Variants in GAB2 observed in about 807,000 individuals in gnomAD.
GAB2 encodes GRB2-associated-binding protein 2.
In GAB2, 26 loss-of-function variants were observed where a neutral mutation model predicts 65.5. The observed-to-expected ratio is 0.40, with a 90% CI of 0.29 to 0.55. The LOEUF is 0.55. Among genes scored for constraint, GAB2 ranks in the 20% least tolerant of loss-of-function variants. GAB2 has a pLI of 0.53. For missense variants in GAB2, 884 were observed against 875.8 expected (o/e 1.01, Z -0.12); for synonymous variants, 321 against 329.6 (o/e 0.97, Z 0.28).
chr11:78,217,199 T>C lies in GAB2; in HGVS notation c.*2073A>G, dbSNP rs1458320899. 6.6e-6 allele frequency: 1 copy of C among 152,410 alleles called. No homozygotes were observed. Among genetic ancestry groups the C allele is most frequent in the African/African-American group, 2.4e-5 (1 of 41,438 alleles). 9.4% of individuals were successfully genotyped at this position (152,410 alleles called of 1,614,324 possible). On this transcript the variant is annotated 3_prime_UTR_variant, in exon 10 of 10. Transcript: ENST00000361507. ...TACTTCCTCTGCCCTCCATCAGCAT[T>C]TGAAGTCTCTGTCTGATGGCCATCA...
At chr11:78,404,861 T>C (rs973531897) in intron 1 of GAB2, among the ~76,000 whole-genome samples, 4 of 152,212 alleles carry the variant, frequency 2.6e-5, no homozygotes, top group African/African-American at 9.6e-5. Flanking sequence ...CAAGTATAGT[T>C]AACAATAATT....
intron 2 of GAB2, among the ~76,000 whole-genome samples, chr11:78,268,385 C>T (rs925014143): frequency 6.6e-6 from 1 of 152,084 alleles, no homozygotes; most frequent in Non-Finnish European, 1.5e-5. Context: ...CTACACATAA[C>T]CGGATGTTTA....
chr11:78,226,964 G>C lies in GAB2; in HGVS notation c.708C>G (p.His236Gln). Residue 236 changes from histidine (H) to glutamine (Q), a missense_variant, in exon 4 of 10, where the codon CAC becomes CAG. His to Gln is a conservative substitution (Grantham distance 24). Transcript: ENST00000361507. ...AVQKLAQGNGHCVNGISGQVH... is the reference protein window; with the variant it reads ...AVQKLAQGNGQCVNGISGQVH... ...CTTGACCACTGATCCCGTTGACACA[G>C]TGTCCATTGCCCTGGGCAAGTTTTT... 1 of 1,613,592 alleles carries C rather than the reference G, an allele frequency of 6.2e-7. No individual in the cohort carries two copies. The highest frequency in any genetic ancestry group is 8.5e-7 in the Non-Finnish European group (1 of 1,179,580).
intron 1 of GAB2, 84 bp downstream of exon 1, chr11:78,417,562 T>TGCCGCCCCTCCGGGAGTCC: frequency 2.0e-6 from 1 of 512,684 alleles, no homozygotes; most frequent in Non-Finnish European, 2.6e-6. Context: ...CTCCCCAGCC[T>TGCCGCCCCTCCGGGAGTCC]GCCGCCCCTC....
chr11:78,222,412 G>T (rs1171873857), intron 6 of GAB2, among the ~76,000 whole-genome samples: 2 of 151,522 alleles, frequency 1.3e-5, no homozygotes, highest in African/African-American at 4.8e-5. Flanking sequence ...TCTTTCTGCT[G>T]TATCTATGGT....
chr11:78,404,949 A>G (rs967251891), intron 1 of GAB2, among the ~76,000 whole-genome samples: 5 of 152,226 alleles, frequency 3.3e-5, no homozygotes, highest in African/African-American at 1.2e-4. Flanking sequence ...TGAGGTGATG[A>G]GTATCCTAAG....
intron 1 of GAB2, among the ~76,000 whole-genome samples, chr11:78,283,116 C>G (rs1057067017): frequency 6.6e-6 from 1 of 152,206 alleles, no homozygotes; most frequent in East Asian, 1.9e-4. Flanking sequence ...TTCTCCTGTT[C>G]TTTGGCAACA....
At chr11:78,288,158 T>C (rs1392251239) in intron 1 of GAB2, among the ~76,000 whole-genome samples, 3 of 150,794 alleles carry the variant, frequency 2.0e-5, no homozygotes, top group Non-Finnish European at 3.0e-5. Flanking sequence ...GGCATGTGGA[T>C]TGCTTGAGGT....
chr11:78,251,000 TAC>T (rs1408551413), intron 2 of GAB2, among the ~76,000 whole-genome samples: 2 of 151,986 alleles, frequency 1.3e-5, no homozygotes, highest in Non-Finnish European at 2.9e-5. Flanking sequence ...ACCTATGGGG[TAC>T]AATGCTATTT....
intron 1 of GAB2, among the ~76,000 whole-genome samples, chr11:78,312,185 TA>T (rs11447471): frequency 0.072 from 9,903 of 137,906 alleles, 834 homozygotes; most frequent in African/African-American, 0.22. Flanking sequence ...CTGTGGAGTT[TA>T]AAAAAAAAAA....
chr11:78,258,866 G>A (rs1260846490), intron 2 of GAB2, among the ~76,000 whole-genome samples: 1 of 151,986 alleles, frequency 6.6e-6, no homozygotes, highest in African/African-American at 2.4e-5. Context: ...GTTTTCATTG[G>A]CATTTTTTCT....
intron 1 of GAB2, among the ~76,000 whole-genome samples, chr11:78,303,694 C>CA (rs36038766): frequency 1.3e-5 from 2 of 151,978 alleles, no homozygotes; most frequent in Non-Finnish European, 2.9e-5. Flanking sequence ...AATTTTTACC[C>CA]AAAAAAGAGA....
At chr11:78,228,634 C>A (rs1008424585) in intron 3 of GAB2, among the ~76,000 whole-genome samples, 12 of 152,162 alleles carry the variant, frequency 7.9e-5, no homozygotes, top group Admixed American at 7.2e-4. Context: ...GCCAGGCTTC[C>A]TCTCATGTAA....
chr11:78,385,236 T>C (rs1274407958), intron 1 of GAB2, among the ~76,000 whole-genome samples: 1 of 152,192 alleles, frequency 6.6e-6, no homozygotes, highest in Admixed American at 6.5e-5. Context: ...ACTTACAACT[T>C]GTAAACAAGA....
intron 2 of GAB2, among the ~76,000 whole-genome samples, chr11:78,262,309 G>A (rs892017105): frequency 1.3e-5 from 2 of 152,210 alleles, no homozygotes; most frequent in Admixed American, 1.3e-4. Context: ...GAATCCAAGA[G>A]TTCTAATTTG....
At chr11:78,411,253 A>AT (rs1465964208) in intron 1 of GAB2, among the ~76,000 whole-genome samples, 2 of 152,204 alleles carry the variant, frequency 1.3e-5, no homozygotes, top group African/African-American at 4.8e-5. Flanking sequence ...GGAAGATTTA[A>AT]TATAGTAAAG....
intron 1 of GAB2, among the ~76,000 whole-genome samples, chr11:78,313,892 T>C (rs1440837273): frequency 6.6e-6 from 1 of 152,232 alleles, no homozygotes; most frequent in Non-Finnish European, 1.5e-5. Context: ...TCAGTGATCC[T>C]ACCAACTTAA....
chr11:78,269,200 T>C (rs1865946919), intron 2 of GAB2, among the ~76,000 whole-genome samples: 1 of 152,164 alleles, frequency 6.6e-6, no homozygotes, highest in Non-Finnish European at 1.5e-5. Context: ...CTTTCTTCCT[T>C]GAGAGAGGAG....
intron 1 of GAB2, among the ~76,000 whole-genome samples, chr11:78,310,255 C>A (rs1855468377): frequency 6.6e-6 from 1 of 151,390 alleles, no homozygotes; most frequent in Admixed American, 6.6e-5. Context: ...GTAATCCCAG[C>A]ACTTTGGGAG....
Sources: allele counts gnomAD v4.1 joint callset (sites outside exome capture counted in the v4.1 genomes callset), GRCh38; gene constraint gnomAD v4.1.1; transcripts MANE v1.5; gene names NCBI Gene and HGNC (gene_info 2026-07-23, HGNC 2026-07-21).